The following GALNTL6 variants were observed in gnomAD, a reference collection of about 807,000 sequenced individuals.
The protein encoded by GALNTL6 is polypeptide N-acetylgalactosaminyltransferase like 6.
A neutral mutation model predicts 73.7 loss-of-function variants in GALNTL6; 46 were observed. That is an observed-to-expected ratio of 0.62 (90% CI 0.49 to 0.80). The LOEUF is 0.80. Among genes scored for constraint, GALNTL6 ranks in the 30% least tolerant of loss-of-function variants. GALNTL6 has a pLI of 0.00. For missense variants in GALNTL6, 604 were observed against 755.0 expected, an observed-to-expected ratio of 0.80 and a Z score of 2.34; for synonymous variants, 259 against 263.7, an observed-to-expected ratio of 0.98 and a Z score of 0.17.
chr4:172,373,375 G>C (rs182240258), intron 5 of GALNTL6, among the ~76,000 whole-genome samples: 2 of 152,308 alleles, frequency 1.3e-5, no homozygotes, highest in East Asian at 1.9e-4. Flanking sequence ...AGGAGTTACT[G>C]CCTCATTGGT....
At chr4:172,276,503 C>G (rs1420174033) in intron 3 of GALNTL6, among the ~76,000 whole-genome samples, 1 of 152,188 alleles carries the variant, frequency 6.6e-6, no homozygotes, top group Admixed American at 6.5e-5. Flanking sequence ...TGCCATGTTT[C>G]TAACCCTGTA....
At chr4:172,246,845 C>T (rs375152718) in intron 3 of GALNTL6, among the ~76,000 whole-genome samples, 1 of 149,468 alleles carries the variant, frequency 6.7e-6, no homozygotes, top group Non-Finnish European at 1.5e-5. Flanking sequence ...TAAAATTTAT[C>T]ATTTACATAC....
At position 171,884,071 on chromosome 4, in the gene GALNTL6, A is replaced by G. The variant is rs529357310; in HGVS notation, c.138+69353A>G. Reference sequence around the variant, plus strand: ...GTTATAGTAACATATTTTACAAACTATTTTCTCTCTCGAAAAGTTGCAGTT... The same window carrying G: ...GTTATAGTAACATATTTTACAAACTGTTTTCTCTCTCGAAAAGTTGCAGTT... On this transcript the variant is annotated intron_variant, in intron 2 of 12. Transcript: ENST00000506823. 8.5e-5 allele frequency among the ~76,000 whole-genome samples: 13 copies of G among 152,222 alleles called. No homozygotes were observed. In the South Asian group the frequency reaches 2.5e-3, roughly 29 times the overall value.
chr4:172,107,724 T>G (rs184193622), intron 2 of GALNTL6, among the ~76,000 whole-genome samples: 6 of 150,676 alleles, frequency 4.0e-5, no homozygotes, highest in African/African-American at 1.2e-4. Context: ...ATACCTAATG[T>G]TAAATGACGA....
chr4:172,370,690 C>T (rs980034546), intron 5 of GALNTL6, among the ~76,000 whole-genome samples: 1 of 151,104 alleles, frequency 6.6e-6, no homozygotes, highest in Non-Finnish European at 1.5e-5. Context: ...AAGCCTTTTC[C>T]TATAAATGCT....
At chr4:172,752,437 C>T (rs1737480129) in intron 5 of GALNTL6, among the ~76,000 whole-genome samples, 1 of 151,976 alleles carries the variant, frequency 6.6e-6, no homozygotes, top group South Asian at 2.1e-4. Context: ...ATTTACTTGA[C>T]ATTAAATAGT....
At chr4:172,208,590 G>T (rs949106569) in intron 2 of GALNTL6, among the ~76,000 whole-genome samples, 1 of 152,034 alleles carries the variant, frequency 6.6e-6, no homozygotes, top group Non-Finnish European at 1.5e-5. Flanking sequence ...CGCAAAGCTG[G>T]GAGGCGTTGT....
Position 171,814,731 on chromosome 4 carries a change from C to T in GALNTL6, c.138+13C>T, listed in dbSNP as rs973342454. On this transcript the variant is annotated intron_variant, in intron 2 of 12. Coordinates refer to ENST00000506823, the MANE Select transcript of GALNTL6 (RefSeq NM_001034845.3). ...CGGGGAGCAGCAGGTAAGTGCCACCCAGAGAAAGATCACACAAGGATTGGT... is the reference window on the plus strand; with the variant it reads ...CGGGGAGCAGCAGGTAAGTGCCACCTAGAGAAAGATCACACAAGGATTGGT... The T allele has an allele frequency of 6.2e-7, 1 of 1,613,206 alleles. No individual in the cohort carries two copies. Among genetic ancestry groups the T allele is most frequent in the Admixed American group, 1.7e-5 (1 of 59,984 alleles).
At chr4:173,029,226 G>C (rs1025037501) in intron 12 of GALNTL6, among the ~76,000 whole-genome samples, 4 of 152,204 alleles carry the variant, frequency 2.6e-5, no homozygotes, top group African/African-American at 9.7e-5. Context: ...GTGGTCAGAG[G>C]TTGGGCAGTC....
chr4:172,619,894 A>G (rs1738887030), intron 5 of GALNTL6, among the ~76,000 whole-genome samples: 1 of 152,194 alleles, frequency 6.6e-6, no homozygotes, highest in Admixed American at 6.5e-5. Flanking sequence ...TCAAAGGCCT[A>G]TGTCATTGAA....
intron 3 of GALNTL6, among the ~76,000 whole-genome samples, chr4:172,245,510 A>G (rs1170868319): frequency 6.6e-6 from 1 of 152,178 alleles, no homozygotes; most frequent in Non-Finnish European, 1.5e-5. Context: ...GACAGGGACT[A>G]TGATGTCACC....
intron 2 of GALNTL6, among the ~76,000 whole-genome samples, chr4:172,225,644 T>G (rs573766908): frequency 6.0e-4 from 91 of 152,138 alleles, no homozygotes; most frequent in African/African-American, 2.0e-3. Context: ...AGTCCCAGCT[T>G]ACTTGGATGG....
At chr4:172,008,932 T>A (rs1297172269) in intron 2 of GALNTL6, among the ~76,000 whole-genome samples, 1 of 151,940 alleles carries the variant, frequency 6.6e-6, no homozygotes, top group Admixed American at 6.6e-5. Flanking sequence ...AAAAGTTACA[T>A]GAAGATTGAT....
chr4:172,532,017 T>A (rs1452228895), intron 5 of GALNTL6, among the ~76,000 whole-genome samples: 1 of 152,140 alleles, frequency 6.6e-6, no homozygotes, highest in East Asian at 1.9e-4. Flanking sequence ...GGGAGTAGGT[T>A]TCTTCTGAGA....
At position 172,768,541 on chromosome 4, in the gene GALNTL6, T is replaced by A. The variant is rs1438891849; in HGVS notation, c.554-40820T>A. ...GAGTGTGGGTATACTCAAGAAAGAT[T>A]CATGCAAGGGGGTTTGGGGCTGCTA... On this transcript the variant is annotated intron_variant, in intron 5 of 12. Coordinates refer to ENST00000506823, the MANE Select transcript of GALNTL6 (RefSeq NM_001034845.3). Among the ~76,000 whole-genome samples the A allele has an allele frequency of 2.0e-5, 3 of 152,170 alleles. No individual in the cohort carries two copies. In the East Asian group the frequency reaches 5.8e-4, roughly 29 times the overall value.
At chr4:172,026,913 ACT>A (rs1268265222) in intron 2 of GALNTL6, among the ~76,000 whole-genome samples, 1 of 151,888 alleles carries the variant, frequency 6.6e-6, no homozygotes, top group East Asian at 1.9e-4. Context: ...AAAGGGTCTC[ACT>A]CTGTCACCTT....
chr4:172,908,726 G>C (rs958424249), intron 8 of GALNTL6, among the ~76,000 whole-genome samples: 1 of 150,784 alleles, frequency 6.6e-6, no homozygotes, highest in African/African-American at 2.4e-5. Context: ...ATTTACAACA[G>C]TGAAACAAAA....
chr4:172,609,625 C>CTCTCTGTGTGTGTGTG lies in GALNTL6; in HGVS notation c.554-199735_554-199734insCTCTGTGTGTGTGTGT, dbSNP rs753051714. On this transcript the variant is annotated intron_variant, in intron 5 of 12. Transcript: ENST00000506823. ...TTTCTCTCTCTCTCTCTCTCTCTCT[C>CTCTCTGTGTGTGTGTG]TGTGTGTGTGTGTGTGTGTGTGTGT... Among the ~76,000 whole-genome samples the CTCTCTGTGTGTGTGTG allele has an allele frequency of 2.7e-3, 251 of 92,768 alleles. 2 individuals are homozygous for CTCTCTGTGTGTGTGTG. The highest frequency in any genetic ancestry group is 3.7e-3 in the Non-Finnish European group (184 of 50,390). The allele number at this position is 92,768 out of a possible 152,430, so 60.9% of individuals were successfully genotyped here.
chr4:172,459,037 T>C (rs1159663117), intron 5 of GALNTL6, among the ~76,000 whole-genome samples: 1 of 152,194 alleles, frequency 6.6e-6, no homozygotes, highest in African/African-American at 2.4e-5. Flanking sequence ...GCTTCATCCC[T>C]GGGATGCAAG....
Sources: allele counts gnomAD v4.1 joint callset (sites outside exome capture counted in the v4.1 genomes callset), GRCh38; gene constraint gnomAD v4.1.1; transcripts MANE v1.5; gene names NCBI Gene and HGNC (gene_info 2026-07-23, HGNC 2026-07-21).